ZBTB20: variants seen among roughly 807,000 people sequenced by gnomAD.
ZBTB20 encodes the protein zinc finger and BTB domain-containing protein 20.
ZBTB20 carries 9 observed loss-of-function variants against 56.9 expected under a neutral mutation model. The observed-to-expected ratio is 0.16, with a 90% CI of 0.10 to 0.28. The LOEUF (loss-of-function observed/expected upper bound fraction) is 0.28. Among genes scored for constraint, ZBTB20 ranks in the 10% least tolerant of loss-of-function variants. The pLI is 1.00. For synonymous variants in ZBTB20, 417 were observed against 420.7 expected, an observed-to-expected ratio of 0.99 and a Z score of 0.11; for missense variants, 655 against 1,003.0, an observed-to-expected ratio of 0.65 and a Z score of 4.69.
chr3:115,057,832 C>T (rs993866944), intron 2 of ZBTB20, among the ~76,000 whole-genome samples: 4 of 151,976 alleles, frequency 2.6e-5, no homozygotes, highest in Non-Finnish European at 2.9e-5. Flanking sequence ...TTAAAGATGT[C>T]TATATTAGTC....
chr3:114,820,775 A>G (rs2073195083), intron 4 of ZBTB20, among the ~76,000 whole-genome samples: 1 of 152,100 alleles, frequency 6.6e-6, no homozygotes, highest in Admixed American at 6.6e-5. Context: ...GAAGAACACA[A>G]TAATTTTCCT....
chr3:114,411,146 G>A lies in ZBTB20; in HGVS notation c.-254-22041C>T, dbSNP rs558980462. 5.9e-5 allele frequency among the ~76,000 whole-genome samples: 9 copies of A among 152,270 alleles called. No homozygotes were observed. The South Asian group carries it at 1.9e-3, about 32-fold the overall frequency. ...TGCCTAGAACAGCAAACATGTACAT[G>A]CAAAATATCAAAAATACACAAAGTG... On this transcript the variant is annotated intron_variant, in intron 7 of 11. Coordinates refer to ENST00000675478, the MANE Select transcript of ZBTB20 (RefSeq NM_001348800.3).
At chr3:115,046,221 T>C (rs911038707) in intron 2 of ZBTB20, among the ~76,000 whole-genome samples, 2 of 152,082 alleles carry the variant, frequency 1.3e-5, no homozygotes, top group African/African-American at 2.4e-5. Flanking sequence ...TAACAGATGC[T>C]AAGTCAAAAA....
At chr3:114,973,903 C>T (rs560353761) in intron 3 of ZBTB20, among the ~76,000 whole-genome samples, 1 of 152,210 alleles carries the variant, frequency 6.6e-6, no homozygotes, top group African/African-American at 2.4e-5. Flanking sequence ...CACTAAATCT[C>T]ATCTGAAGAG....
At chr3:114,639,853 C>A (rs1417808612) in intron 6 of ZBTB20, among the ~76,000 whole-genome samples, 1 of 151,954 alleles carries the variant, frequency 6.6e-6, no homozygotes, top group Non-Finnish European at 1.5e-5. Context: ...GATAGCAAGA[C>A]ACATGGATGG....
At chr3:114,731,811 T>C (rs549591055) in intron 5 of ZBTB20, among the ~76,000 whole-genome samples, 1 of 149,374 alleles carries the variant, frequency 6.7e-6, no homozygotes, top group Non-Finnish European at 1.5e-5. Context: ...TAGTAACTAA[T>C]CCGGCTGTGC....
chr3:115,060,059 G>C (rs1047901445), intron 2 of ZBTB20, among the ~76,000 whole-genome samples: 2 of 152,166 alleles, frequency 1.3e-5, no homozygotes. Flanking sequence ...GATCAAACAA[G>C]GTCACTTACT....
chr3:114,504,225 CT>C (rs1013756279), intron 6 of ZBTB20, among the ~76,000 whole-genome samples: 1 of 152,070 alleles, frequency 6.6e-6, no homozygotes, highest in African/African-American at 2.4e-5. Flanking sequence ...TTTATAATTT[CT>C]TTTTTAAAAA....
At chr3:114,608,566 G>A (rs1038162432) in intron 6 of ZBTB20, among the ~76,000 whole-genome samples, 1 of 152,120 alleles carries the variant, frequency 6.6e-6, no homozygotes, top group Non-Finnish European at 1.5e-5. Context: ...TCTGTGGTGT[G>A]TCTTAAGCAG....
intron 6 of ZBTB20, among the ~76,000 whole-genome samples, chr3:114,546,255 C>T (rs895061646): frequency 2.6e-5 from 4 of 152,178 alleles, no homozygotes; most frequent in African/African-American, 9.7e-5. Context: ...CCTGGGTGGG[C>T]ATGCTTATCA....
intron 1 of ZBTB20, among the ~76,000 whole-genome samples, chr3:115,106,500 T>C (rs2083728402): frequency 6.6e-6 from 1 of 152,018 alleles, no homozygotes; most frequent in Non-Finnish European, 1.5e-5. Context: ...CCCAAAGTAA[T>C]GGAATTACAA....
intron 2 of ZBTB20, among the ~76,000 whole-genome samples, chr3:115,047,585 T>C (rs1239006549): frequency 2.0e-5 from 3 of 152,236 alleles, no homozygotes; most frequent in Non-Finnish European, 4.4e-5. Flanking sequence ...ACTACTGATG[T>C]ATTTTTGTGA....
intron 7 of ZBTB20, among the ~76,000 whole-genome samples, chr3:114,418,661 T>G (rs560569947): frequency 6.6e-6 from 1 of 152,008 alleles, no homozygotes; most frequent in South Asian, 2.1e-4. Context: ...GAAGTTTCAT[T>G]ACTCAGGGCA....
chr3:114,630,075 G>A (rs1015131017), intron 6 of ZBTB20, among the ~76,000 whole-genome samples: 1 of 152,184 alleles, frequency 6.6e-6, no homozygotes, highest in African/African-American at 2.4e-5. Context: ...AGGAGGTTGA[G>A]GCTGCAGTGA....
At chr3:114,699,621 C>T (rs1481721106) in intron 5 of ZBTB20, among the ~76,000 whole-genome samples, 4 of 152,088 alleles carry the variant, frequency 2.6e-5, no homozygotes, top group African/African-American at 9.7e-5. Flanking sequence ...AATGGGGCTA[C>T]CATCTTGTTA....
rs139191534 is a variant in ZBTB20 at position 114,626,700 on chromosome 3, G to A, written c.-295+66828C>T. Among the ~76,000 whole-genome samples the A allele has an allele frequency of 5.3e-5, 8 of 152,272 alleles. No individual in the cohort carries two copies. In the East Asian group the frequency reaches 1.5e-3, roughly 29 times the overall value. On this transcript the variant is annotated intron_variant, in intron 6 of 11. Coordinates refer to ENST00000675478, the MANE Select transcript of ZBTB20 (RefSeq NM_001348800.3). The stretch of plus-strand genomic sequence containing the variant: ...ATCTATGTTGTCAAAGCAACTTGGA[G>A]CCTAACAGTTGTCCAGTAACTAGAG...
intron 8 of ZBTB20, chr3:114,387,593 G>A (rs1042437603): frequency 1.3e-5 from 2 of 152,166 alleles, no homozygotes; most frequent in African/African-American, 4.8e-5. Context: ...AGAGTGATAA[G>A]AACTCTTTTC....
In ZBTB20 at chr3:115,003,364, G is replaced by A. The variant is rs376897693; in HGVS notation, c.-506-28948C>T. 1.2e-4 allele frequency among the ~76,000 whole-genome samples: 18 copies of A among 151,722 alleles called. No individual in the cohort carries two copies. In the East Asian group the frequency reaches 1.8e-3, roughly 15 times the overall value. On this transcript the variant is annotated intron_variant, in intron 2 of 11. Transcript: ENST00000675478. ...ATAGTTAATAATGGGGAAAAGTGGG[G>A]AGGAGAAGGGTGAATGGGCATACAG...
chr3:114,465,740 T>C (rs1278614933), intron 7 of ZBTB20, among the ~76,000 whole-genome samples: 1 of 150,202 alleles, frequency 6.7e-6, no homozygotes, highest in African/African-American at 2.4e-5. Context: ...AAGAAAGGGA[T>C]AGGAATCACC....
Sources: allele counts gnomAD v4.1 joint callset (sites outside exome capture counted in the v4.1 genomes callset), GRCh38; gene constraint gnomAD v4.1.1; transcripts MANE v1.5; gene names NCBI Gene and HGNC (gene_info 2026-07-23, HGNC 2026-07-21).